The following MCF2L variants were observed in gnomAD, a reference collection of about 807,000 sequenced individuals.
The protein encoded by MCF2L is guanine nucleotide exchange factor DBS.
In MCF2L, 97 loss-of-function variants were observed where a neutral mutation model predicts 153.4. The observed-to-expected ratio is 0.63, with a 90% CI of 0.54 to 0.75. The LOEUF is 0.75. Among genes scored for constraint, MCF2L ranks in the 30% least tolerant of loss-of-function variants. MCF2L has a pLI of 0.00. For missense variants in MCF2L, 1,347 were observed against 1,495.2 expected, an observed-to-expected ratio of 0.90 and a Z score of 1.64; for synonymous variants, 659 against 632.2, an observed-to-expected ratio of 1.04 and a Z score of -0.64.
At chr13:112,937,425 T>C (rs1402810723) in intron 2 of MCF2L, among the ~76,000 whole-genome samples, 2 of 152,232 alleles carry the variant, frequency 1.3e-5, no homozygotes, top group Admixed American at 1.3e-4. Context: ...TAATATATTG[T>C]TTATAAGCCT....
intron 2 of MCF2L, among the ~76,000 whole-genome samples, chr13:112,914,077 C>T (rs769213863): frequency 2.0e-5 from 3 of 152,178 alleles, no homozygotes; most frequent in Non-Finnish European, 4.4e-5. Context: ...CCTTTCTTCC[C>T]TGTTTTCCTT....
intron 2 of MCF2L, among the ~76,000 whole-genome samples, chr13:112,954,445 G>C (rs922124613): frequency 6.6e-6 from 1 of 152,230 alleles, no homozygotes; most frequent in Non-Finnish European, 1.5e-5. Context: ...GCTTCCCATT[G>C]CGATGTGGAG....
chr13:112,901,722 T>G (rs979799585), intron 1 of MCF2L, among the ~76,000 whole-genome samples: 1 of 152,244 alleles, frequency 6.6e-6, no homozygotes, highest in African/African-American at 2.4e-5. Context: ...GAATTATGCT[T>G]TAAAGTTTCT....
chr13:113,024,666 C>T lies in MCF2L; in HGVS notation c.186C>T (p.Ser62=). 1 of 1,614,024 alleles carries T rather than the reference C, an allele frequency of 6.2e-7. No individual in the cohort carries two copies. The highest frequency in any genetic ancestry group is 8.5e-7 in the Non-Finnish European group (1 of 1,179,940). The change falls in exon 3 of 30, where the codon AGC becomes AGT. Residue 62 remains serine (S), a synonymous_variant. Transcript: ENST00000535094. ...CAGGTGGGCGGGGGCAGGACGGAAG[C>T]CCGGTTATCACCTTCCCTGACTACC... ...YLSGGRGQDG[S]PVITFPDYPA... is the part of the protein sequence containing the mutation.
intron 2 of MCF2L, among the ~76,000 whole-genome samples, chr13:112,926,050 AC>A (rs1235556180): frequency 2.0e-5 from 3 of 152,238 alleles, no homozygotes; most frequent in Admixed American, 2.0e-4. Context: ...GAAATCCATC[AC>A]AGTAGCCAAG....
At chr13:112,906,332 A>G (rs2081172554) in intron 2 of MCF2L, among the ~76,000 whole-genome samples, 1 of 152,158 alleles carries the variant, frequency 6.6e-6, no homozygotes. Context: ...TCACTCCACT[A>G]AAGGTCAGCT....
intron 1 of MCF2L, among the ~76,000 whole-genome samples, chr13:113,005,585 G>A (rs2083641848): frequency 6.6e-6 from 1 of 152,086 alleles, no homozygotes; most frequent in Non-Finnish European, 1.5e-5. Context: ...GCCGTGGTCT[G>A]TTTGTGGTGA....
intron 2 of MCF2L, among the ~76,000 whole-genome samples, chr13:112,924,299 C>G (rs760836865): frequency 3.9e-5 from 6 of 152,062 alleles, no homozygotes; most frequent in Non-Finnish European, 7.3e-5. Flanking sequence ...CGGGAGTTTA[C>G]CTTTTCCTTT....
chr13:113,089,767 C>T (rs1267805947), intron 26 of MCF2L, 39 bp downstream of exon 26: 2 of 1,595,244 alleles, frequency 1.3e-6, no homozygotes, highest in Non-Finnish European at 1.7e-6. Flanking sequence ...ACGGAGGCCT[C>T]ACACGGAGCT....
intron 2 of MCF2L, chr13:112,909,131 C>T: frequency 1.3e-6 from 1 of 742,462 alleles, no homozygotes; most frequent in Non-Finnish European, 2.5e-6. Flanking sequence ...TCTCTCCCTC[C>T]TGCTTGCCTC....
upstream of MCF2L, chr13:112,969,131 C>A: frequency 3.5e-6 from 1 of 282,232 alleles, no homozygotes; most frequent in Non-Finnish European, 6.0e-6. This position sits in a 1 kb window ranked among gnomAD's most constrained non-coding sequence, Gnocchi z 4.8. Flanking sequence ...TGGTGACACA[C>A]CGGGGCGGGC....
rs12100349 is a variant in MCF2L at position 113,050,125 on chromosome 13, A to C, written c.369+4764A>C. The stretch of plus-strand genomic sequence containing the variant: ...TTTATAAAATGCTGTTGCAACATCT[A>C]ACCCTCTTCCACTGTACTGCATGTG... On this transcript the variant is annotated intron_variant, in intron 4 of 29. Coordinates refer to ENST00000535094, the MANE Select transcript of MCF2L (RefSeq NM_001112732.3). 7.3e-3 allele frequency among the ~76,000 whole-genome samples: 1,107 copies of C among 152,200 alleles called. 10 individuals are homozygous for C. The highest frequency in any genetic ancestry group is 0.026 in the African/African-American group (1,060 of 41,514).
chr13:112,982,113 G>T (rs572487470), intron 1 of MCF2L, among the ~76,000 whole-genome samples: 1 of 152,306 alleles, frequency 6.6e-6, no homozygotes, highest in East Asian at 1.9e-4. Context: ...GAGAGCATGG[G>T]GCCGACGAGG....
intron 7 of MCF2L, 34 bp from the exon 8 acceptor site, chr13:113,066,012 G>A (rs771390520): frequency 4.3e-5 from 69 of 1,604,326 alleles, no homozygotes; most frequent in South Asian, 2.9e-4. Flanking sequence ...GTGCCTGGAC[G>A]GGGCCGGGAC....
intron 1 of MCF2L, among the ~76,000 whole-genome samples, chr13:113,007,762 C>T (rs181862135): frequency 6.6e-5 from 10 of 152,234 alleles, no homozygotes; most frequent in African/African-American, 2.4e-5. Context: ...GGCTCTGTGT[C>T]GTAAGGATCA....
At chr13:113,088,176 C>A in intron 23 of MCF2L, 151 bp from the exon 24 acceptor site, 1 of 751,184 alleles carries the variant, frequency 1.3e-6, no homozygotes, top group Non-Finnish European at 2.3e-6. Flanking sequence ...CAATGCGGGG[C>A]CACCCACAGT....
intron 1 of MCF2L, among the ~76,000 whole-genome samples, chr13:113,010,824 C>T (rs1294694897): frequency 6.6e-6 from 1 of 152,234 alleles, no homozygotes; most frequent in African/African-American, 2.4e-5. Context: ...CAGGGGCCCA[C>T]CACCTCCCAG....
intron 2 of MCF2L, among the ~76,000 whole-genome samples, chr13:112,946,387 G>A (rs923274070): frequency 3.9e-5 from 6 of 152,050 alleles, no homozygotes; most frequent in South Asian, 2.1e-4. Context: ...TGTGGTAAAC[G>A]TATTGCTTTG....
chr13:112,947,669 G>A (rs1444141519), intron 2 of MCF2L, among the ~76,000 whole-genome samples: 1 of 152,214 alleles, frequency 6.6e-6, no homozygotes, highest in Non-Finnish European at 1.5e-5. Flanking sequence ...ACCCTGGGGT[G>A]GGGTTGGGCA....
Sources: gnomAD v4.1 joint callset for allele counts (sites outside exome capture counted in the v4.1 genomes callset) on GRCh38, gnomAD v4.1.1 for gene constraint, Gnocchi (gnomAD v3.1) non-coding constraint, MANE v1.5 for transcripts, NCBI Gene and HGNC (gene_info 2026-07-23, HGNC 2026-07-21) for gene names.